Variants in CDC42BPA observed in about 807,000 individuals in gnomAD.
CDC42BPA encodes the protein CDC42 binding protein kinase alpha, also known as serine/threonine-protein kinase MRCK alpha.
In CDC42BPA, 80 loss-of-function variants were observed where a neutral mutation model predicts 223.5. The ratio of observed to expected loss-of-function variants is 0.36; its 90% CI spans 0.30 to 0.43. CDC42BPA has a LOEUF of 0.43. Ranked by LOEUF, CDC42BPA falls within the 20% of genes least tolerant of loss-of-function variation. CDC42BPA has a pLI of 1.00. For missense variants in CDC42BPA, 1,743 were observed against 2,099.9 expected (o/e 0.83, Z 3.32); for synonymous variants, 694 against 718.6 (o/e 0.97, Z 0.55).
Position 227,112,659 on chromosome 1 carries a change from C to T in CDC42BPA, c.1890+12G>A, listed in dbSNP as rs775985717. 6.2e-7 allele frequency: 1 copy of T among 1,611,226 alleles called. No homozygotes were observed. Among genetic ancestry groups the T allele is most frequent in the East Asian group, 2.2e-5 (1 of 44,856 alleles). ...ATCCCATGGGCACTACAAAATTTGC[C>T]TGACTACTAACCTCTTTTTTGGCTC... is the stretch of plus-strand genomic sequence containing the variant. On this transcript the variant is annotated intron_variant, in intron 13 of 36. Coordinates refer to ENST00000366766, the MANE Select transcript of CDC42BPA (RefSeq NM_001394014.1).
At chr1:227,288,304 G>T (rs1383413819) in intron 1 of CDC42BPA, among the ~76,000 whole-genome samples, 1 of 152,244 alleles carries the variant, frequency 6.6e-6, no homozygotes, top group South Asian at 2.1e-4. Context: ...GAGCCCAGGA[G>T]GTCTAAGCTG....
intron 3 of CDC42BPA, among the ~76,000 whole-genome samples, chr1:227,212,217 A>C (rs975848433): frequency 6.6e-6 from 1 of 152,196 alleles, no homozygotes; most frequent in Non-Finnish European, 1.5e-5. Flanking sequence ...CCAAATAAAT[A>C]AATAATGAAG....
rs56027641 is a variant in CDC42BPA, at chr1:226,994,271, C to T, written c.5262G>A (p.Pro1754=). ...GAGGTCCCAGTGCTGAGGCAGCTCACGGGTCCCAGCTCCCGCGGTCAGTGC... is the reference window on the plus strand; with the variant it reads ...GAGGTCCCAGTGCTGAGGCAGCTCATGGGTCCCAGCTCCCGCGGTCAGTGC... The part of the protein sequence containing the change: ...LESTDRGSWD[P] Residue 1754 remains proline (P), a synonymous_variant, in exon 37 of 37, where the codon CCG becomes CCA. Transcript: ENST00000366766. The surrounding 1 kb of genome is among the most constrained non-coding windows in gnomAD (Gnocchi z 4.0). 1.0e-4 allele frequency: 165 copies of T among 1,577,096 alleles called. No homozygotes were observed. Among genetic ancestry groups the T allele is most frequent in the African/African-American group, 5.7e-4 (42 of 74,146 alleles).
intron 1 of CDC42BPA, among the ~76,000 whole-genome samples, chr1:227,262,826 A>T (rs549606333): frequency 6.6e-6 from 1 of 152,204 alleles, no homozygotes; most frequent in Non-Finnish European, 1.5e-5. Flanking sequence ...TTAAAATATA[A>T]CTCACCTAAA....
Position 226,994,902 on chromosome 1 carries a change from G to T in CDC42BPA, c.5054C>A (p.Pro1685His). Residue 1685 changes from proline to histidine, a missense_variant, in exon 36 of 37, where the codon CCC (proline) becomes CAC (histidine). Pro to His is a moderately conservative substitution (Grantham distance 77, BLOSUM62 -2). This residue lies in a region of CDC42BPA where 200 missense variants were observed against 192.8 expected (regional missense o/e 1.04). Transcript: ENST00000366766. The surrounding 1 kb of genome is among the most constrained non-coding windows in gnomAD (Gnocchi z 4.0). ...GSYSAKRQPMPSPSEGSLSSG... is the reference protein window; with the variant it reads ...GSYSAKRQPMHSPSEGSLSSG... ...GGACAAAGAGCCCTCTGACGGGGAG[G>T]GCATGGGCTGCCGCTTGGCACTGTA... The T allele has an allele frequency of 3.1e-6, 5 of 1,614,010 alleles. No individual in the cohort carries two copies. Among genetic ancestry groups the T allele is most frequent in the Non-Finnish European group, 4.2e-6 (5 of 1,179,910 alleles).
At chr1:227,112,987 A>G in intron 12 of CDC42BPA, 74 bp from the exon 13 acceptor site, 1 of 1,482,360 alleles carries the variant, frequency 6.7e-7, no homozygotes, top group Non-Finnish European at 9.2e-7. Flanking sequence ...CAGAATAGCT[A>G]TCATTAAGTC....
intron 10 of CDC42BPA, among the ~76,000 whole-genome samples, chr1:227,133,868 T>A (rs1318622848): frequency 6.6e-6 from 1 of 151,918 alleles, no homozygotes; most frequent in African/African-American, 2.4e-5. Flanking sequence ...CCAGAGACCT[T>A]TGTTCACTTG....
chr1:227,242,717 C>A (rs1475383707), intron 2 of CDC42BPA, among the ~76,000 whole-genome samples: 1 of 151,816 alleles, frequency 6.6e-6, no homozygotes, highest in Non-Finnish European at 1.5e-5. Flanking sequence ...AAAAAGAAAT[C>A]AGACCCATAA....
intron 5 of CDC42BPA, among the ~76,000 whole-genome samples, chr1:227,182,183 C>A (rs1343528385): frequency 2.0e-5 from 3 of 152,214 alleles, no homozygotes; most frequent in African/African-American, 7.2e-5. Flanking sequence ...CGGTCCTGCA[C>A]TCTCTTTATT....
chr1:227,243,088 C>T (rs1018608893), intron 2 of CDC42BPA, among the ~76,000 whole-genome samples: 2 of 152,064 alleles, frequency 1.3e-5, no homozygotes, highest in Non-Finnish European at 2.9e-5. Flanking sequence ...AACCAAATAC[C>T]CCATGTTCTC....
At chr1:227,266,388 A>G (rs952579687) in intron 1 of CDC42BPA, among the ~76,000 whole-genome samples, 1 of 152,184 alleles carries the variant, frequency 6.6e-6, no homozygotes, top group Admixed American at 6.5e-5. Flanking sequence ...AAGGAAAAAC[A>G]GAAGAGCTTC....
intron 1 of CDC42BPA, among the ~76,000 whole-genome samples, chr1:227,311,391 C>T (rs2148821525): frequency 6.6e-6 from 1 of 152,190 alleles, no homozygotes; most frequent in East Asian, 1.9e-4. Context: ...ATTCTTGGTC[C>T]TCGATACCTA....
intron 31 of CDC42BPA, among the ~76,000 whole-genome samples, chr1:227,023,788 AC>A (rs1185186734): frequency 1.3e-5 from 2 of 152,198 alleles, no homozygotes; most frequent in African/African-American, 4.8e-5. Context: ...GTTATACGGA[AC>A]CAAGCATGAA....
At chr1:227,116,928 T>C (rs1687862043) in intron 12 of CDC42BPA, among the ~76,000 whole-genome samples, 1 of 152,154 alleles carries the variant, frequency 6.6e-6, no homozygotes, top group Non-Finnish European at 1.5e-5. Flanking sequence ...GGAATATTTA[T>C]CTATATTCCA....
At chr1:227,127,674 A>G (rs771533541) in intron 11 of CDC42BPA, among the ~76,000 whole-genome samples, 9 of 152,178 alleles carry the variant, frequency 5.9e-5, no homozygotes, top group Non-Finnish European at 1.0e-4. Context: ...TTCCCAATCT[A>G]CAATAACTTA....
chr1:227,060,267 G>A (rs892698450), intron 21 of CDC42BPA, among the ~76,000 whole-genome samples: 27 of 151,902 alleles, frequency 1.8e-4, no homozygotes, highest in East Asian at 5.8e-4. Flanking sequence ...TCCTGACCTC[G>A]TGATCCACCC....
At chr1:227,172,324 A>C (rs892219239) in intron 5 of CDC42BPA, among the ~76,000 whole-genome samples, 1 of 152,234 alleles carries the variant, frequency 6.6e-6, no homozygotes, top group African/African-American at 2.4e-5. Flanking sequence ...CTATTATTTA[A>C]GAATTATGGG....
At chr1:227,000,612 G>A (rs1439189278) in intron 35 of CDC42BPA, among the ~76,000 whole-genome samples, 2 of 152,148 alleles carry the variant, frequency 1.3e-5, no homozygotes, top group Admixed American at 1.3e-4. Context: ...AATGCATGGA[G>A]AGTAACATGC....
intron 1 of CDC42BPA, among the ~76,000 whole-genome samples, chr1:227,314,884 A>C: frequency 6.6e-6 from 1 of 152,056 alleles, no homozygotes; most frequent in East Asian, 1.9e-4. Context: ...CCAGAGTCCC[A>C]AAAAATAATG....
Sources: gnomAD v4.1 joint callset for allele counts (sites outside exome capture counted in the v4.1 genomes callset) on GRCh38, gnomAD v4.1.1 for gene constraint, gnomAD v4.1.1 regional missense constraint, Gnocchi (gnomAD v3.1) non-coding constraint, MANE v1.5 for transcripts, NCBI Gene and HGNC (gene_info 2026-07-23, HGNC 2026-07-21) for gene names.